Variants in ZBTB20 observed in about 807,000 individuals in gnomAD.
ZBTB20 encodes zinc finger and BTB domain-containing protein 20.
ZBTB20 carries 9 observed loss-of-function variants against 56.9 expected under a neutral mutation model. The ratio of observed to expected loss-of-function variants is 0.16; its 90% CI spans 0.10 to 0.28. The LOEUF (loss-of-function observed/expected upper bound fraction) is 0.28. ZBTB20 is among the 10% of genes least tolerant of loss of function. The pLI is 1.00. For missense variants in ZBTB20, 655 were observed against 1,003.0 expected (o/e 0.65, Z 4.69); for synonymous variants, 417 against 420.7 (o/e 0.99, Z 0.11).
chr3:114,780,413 G>A (rs1449503191), intron 5 of ZBTB20, among the ~76,000 whole-genome samples: 3 of 152,234 alleles, frequency 2.0e-5, no homozygotes. Flanking sequence ...AGAGCACTAA[G>A]CAGAGATGCA....
intron 6 of ZBTB20, among the ~76,000 whole-genome samples, chr3:114,502,487 T>C (rs909869768): frequency 2.4e-5 from 3 of 123,456 alleles, no homozygotes; most frequent in Non-Finnish European, 5.2e-5. Flanking sequence ...GCCTGGATTA[T>C]TATAATGCTA....
chr3:114,777,862 T>C (rs909611772), intron 5 of ZBTB20, among the ~76,000 whole-genome samples: 16 of 151,692 alleles, frequency 1.1e-4, no homozygotes, highest in African/African-American at 1.9e-4. Context: ...CCAACAATGA[T>C]AGATTGGATT....
At chr3:115,068,812 G>A (rs936378709) in intron 2 of ZBTB20, among the ~76,000 whole-genome samples, 1 of 151,158 alleles carries the variant, frequency 6.6e-6, no homozygotes, top group African/African-American at 2.4e-5. Context: ...CTACCTACTT[G>A]CTTTATTTTT....
chr3:115,142,714 C>T (rs1438723170), intron 1 of ZBTB20, among the ~76,000 whole-genome samples: 1 of 151,566 alleles, frequency 6.6e-6, no homozygotes, highest in African/African-American at 2.4e-5. Flanking sequence ...GTTATAAAGT[C>T]TGTTTCCTCC....
intron 2 of ZBTB20, among the ~76,000 whole-genome samples, chr3:115,066,478 C>G (rs1047656367): frequency 2.0e-5 from 3 of 152,114 alleles, no homozygotes; most frequent in Admixed American, 2.0e-4. Context: ...AGTTCATGCC[C>G]TCACTATACT....
Position 114,327,740 on chromosome 3 carries a change from A to C in ZBTB20, c.*11265T>G, listed in dbSNP as rs2108026414. On this transcript the variant is annotated 3_prime_UTR_variant, in exon 12 of 12. Transcript: ENST00000675478. The stretch of plus-strand genomic sequence containing the variant: ...TATTAAATGTTGATTCTTTTTGTCA[A>C]AGGGTAAAGCAAGAACTGAAAGCAT... 1.3e-5 allele frequency: 2 copies of C among 152,334 alleles called. No homozygotes were observed. Among genetic ancestry groups the C allele is most frequent in the Middle Eastern group, 6.8e-3 (2 of 294 alleles). The allele number at this position is 152,334 out of a possible 1,614,324, so 9.4% of individuals were successfully genotyped here. A position where few individuals can be genotyped will look rare whatever the true frequency, so the allele number is the denominator to read the frequency against.
intron 6 of ZBTB20, among the ~76,000 whole-genome samples, chr3:114,538,753 C>T (rs1577383618): frequency 6.6e-6 from 1 of 152,210 alleles, no homozygotes; most frequent in East Asian, 1.9e-4. Flanking sequence ...GTTAAATCAC[C>T]TAAGAACTGT....
chr3:115,033,428 C>T (rs2080785560), intron 2 of ZBTB20, among the ~76,000 whole-genome samples: 1 of 151,412 alleles, frequency 6.6e-6, no homozygotes, highest in Non-Finnish European at 1.5e-5. Context: ...TGAGTTCTAC[C>T]AATTATTTTT....
Position 114,503,544 on chromosome 3 carries a change from A to G in ZBTB20, c.-294-3153T>C, listed in dbSNP as rs114489748. On this transcript the variant is annotated intron_variant, in intron 6 of 11. Transcript: ENST00000675478. ...TCCACCTAAGTGATATTCACCTTAT[A>G]TGTCTATAAGTTGTTTTTATCTGAA... is the stretch of plus-strand genomic sequence containing the variant. 5.0e-3 allele frequency among the ~76,000 whole-genome samples: 769 copies of G among 152,340 alleles called. 8 individuals are homozygous for G. The highest frequency in any genetic ancestry group is 0.018 in the African/African-American group (733 of 41,580).
At chr3:114,827,753 A>G (rs2073618420) in intron 4 of ZBTB20, among the ~76,000 whole-genome samples, 1 of 151,758 alleles carries the variant, frequency 6.6e-6, no homozygotes, top group Non-Finnish European at 1.5e-5. Flanking sequence ...TCAGTTCTTC[A>G]ATAAGAACCA....
chr3:115,071,889 G>T (rs1055396068), intron 1 of ZBTB20, among the ~76,000 whole-genome samples: 1 of 152,144 alleles, frequency 6.6e-6, no homozygotes, highest in African/African-American at 2.4e-5. Flanking sequence ...AGGGATGAAA[G>T]AATTCTTATT....
intron 10 of ZBTB20, among the ~76,000 whole-genome samples, chr3:114,361,458 T>G (rs1213412275): frequency 2.0e-5 from 3 of 152,218 alleles, no homozygotes; most frequent in Admixed American, 6.5e-5. Context: ...CTCACTGAAT[T>G]AGAAAACTTT....
chr3:114,835,657 A>T (rs564042218), intron 4 of ZBTB20, among the ~76,000 whole-genome samples: 15 of 152,296 alleles, frequency 9.8e-5, no homozygotes, highest in Non-Finnish European at 2.1e-4. Context: ...CCTCAGTTTC[A>T]TATTTTAGTA....
In ZBTB20 at chr3:114,316,527, T is replaced by C; in HGVS notation, c.*22478A>G. Reference sequence around the variant, plus strand: ...TATACACTATATATATGTGGATACATATAGGAAGTGTGTATACATTTATAC... The same window carrying C: ...TATACACTATATATATGTGGATACACATAGGAAGTGTGTATACATTTATAC... On this transcript the variant is annotated 3_prime_UTR_variant, in exon 12 of 12. Transcript: ENST00000675478. 1.9e-6 allele frequency: 1 copy of C among 533,332 alleles called. No individual in the cohort carries two copies. Among genetic ancestry groups the C allele is most frequent in the Non-Finnish European group, 3.9e-6 (1 of 259,696 alleles). 33.0% of individuals were successfully genotyped at this position (533,332 alleles called of 1,614,324 possible). A position where few individuals can be genotyped will look rare whatever the true frequency, so the allele number is the denominator to read the frequency against.
intron 7 of ZBTB20, among the ~76,000 whole-genome samples, chr3:114,496,730 C>T (rs1404012741): frequency 6.6e-6 from 1 of 152,110 alleles, no homozygotes; most frequent in Non-Finnish European, 1.5e-5. Context: ...CCCGGCTGTG[C>T]ATAAGTTGCA....
Position 114,646,788 on chromosome 3 carries a change from C to T in ZBTB20, c.-295+46740G>A, listed in dbSNP as rs546170184. The stretch of plus-strand genomic sequence containing the variant: ...CTAAGGGTATTCCTAAGGGAACTGG[C>T]AAACGTTGGAAGATAAATAACCTCA... On this transcript the variant is annotated intron_variant, in intron 6 of 11. Coordinates refer to ENST00000675478, the MANE Select transcript of ZBTB20 (RefSeq NM_001348800.3). Among the ~76,000 whole-genome samples, 4 of 152,130 alleles carry T rather than the reference C, an allele frequency of 2.6e-5. No homozygotes were observed. In the South Asian group the frequency reaches 8.3e-4, roughly 32 times the overall value.
At chr3:114,697,025 C>A (rs896266191) in intron 5 of ZBTB20, among the ~76,000 whole-genome samples, 1 of 138,690 alleles carries the variant, frequency 7.2e-6, no homozygotes, top group African/African-American at 2.7e-5. Flanking sequence ...GATGTTTTCT[C>A]TTTCATTAAG....
chr3:114,515,323 A>G lies in ZBTB20; in HGVS notation c.-294-14932T>C, dbSNP rs546311799. 6.6e-5 allele frequency among the ~76,000 whole-genome samples: 10 copies of G among 152,260 alleles called. No homozygotes were observed. The South Asian group carries it at 1.9e-3, about 28-fold the overall frequency. On this transcript the variant is annotated intron_variant, in intron 6 of 11. Transcript: ENST00000675478. ...GTTGTTAACTTTAGAGATACCCACC[A>G]GCTCCATCAATTCCCTCATCTACAG...
chr3:115,128,390 G>A (rs1033761053), intron 1 of ZBTB20, among the ~76,000 whole-genome samples: 1 of 152,064 alleles, frequency 6.6e-6, no homozygotes, highest in Non-Finnish European at 1.5e-5. Context: ...TTGCCTGCAT[G>A]TAGTGACTCA....
Sources: gnomAD v4.1 joint callset for allele counts (sites outside exome capture counted in the v4.1 genomes callset) on GRCh38, gnomAD v4.1.1 for gene constraint, MANE v1.5 for transcripts, NCBI Gene and HGNC (gene_info 2026-07-23, HGNC 2026-07-21) for gene names.